Variants in CHM observed in about 807,000 individuals in gnomAD.
CHM encodes rab proteins geranylgeranyltransferase component A 1.
CHM carries 10 observed loss-of-function variants against 49.0 expected under a neutral mutation model. The observed-to-expected ratio is 0.20, with a 90% CI of 0.13 to 0.35. The LOEUF is 0.35. Ranked by LOEUF, CHM falls within the 10% of genes least tolerant of loss-of-function variation. The probability of loss-of-function intolerance (pLI) is 1.00; values close to 1 mark genes in which losing one functional copy is unlikely to be tolerated. For missense variants in CHM, 455 were observed against 478.4 expected, an observed-to-expected ratio of 0.95 and a Z score of 0.46; for synonymous variants, 184 against 167.5, an observed-to-expected ratio of 1.10 and a Z score of -0.76.
rs1244003380 is a variant in CHM at position 85,894,251 on chromosome X, CT to C, written c.1446del (p.Gly483GlufsTer15). 8.3e-7 allele frequency: 1 copy of C among 1,208,356 alleles called. No individual in the cohort carries two copies. The highest frequency in any genetic ancestry group is 1.1e-6 in the Non-Finnish European group (1 of 894,152). On this transcript the variant is annotated frameshift_variant, in exon 12 of 15. Transcript: ENST00000357749. LOFTEE classifies it high-confidence loss of function. Reference protein sequence around the residue: ...ISILTVPAEEPGTFAVRVIEL... With the variant: ...ISILTVPAEEXGTFAVRVIEL... ...TCAATGACCCGAACAGCAAAAGTTC[CT>C]GGTTCCTCTGCTGGCACTGTCAAAA... is the stretch of plus-strand genomic sequence containing the variant.
At chrX:86,018,672 T>C (rs746852782) in intron 2 of CHM, among the ~76,000 whole-genome samples, 34 of 112,249 alleles carry the variant, frequency 3.0e-4, no homozygotes, top group East Asian at 1.9e-3. Context: ...ATACAAACTG[T>C]GATACATACA....
At chrX:86,041,726 G>GTATATATATA (rs3078104) in intron 1 of CHM, among the ~76,000 whole-genome samples, 4 of 83,735 alleles carry the variant, frequency 4.8e-5, no homozygotes, top group Admixed American at 1.4e-4. Flanking sequence ...TGGTGTGTGT[G>GTATATATATA]TATATATATA....
chrX:86,004,978 T>C (rs1194233312), intron 2 of CHM, among the ~76,000 whole-genome samples: 1 of 111,927 alleles, frequency 8.9e-6, no homozygotes, highest in African/African-American at 3.3e-5. Context: ...CAGCATCACA[T>C]CGCACTTATT....
At chrX:86,037,324 T>C (rs749626208) in intron 1 of CHM, among the ~76,000 whole-genome samples, 33 of 109,911 alleles carry the variant, frequency 3.0e-4, no homozygotes, top group Non-Finnish European at 4.9e-4. Context: ...ACTGTGTTGG[T>C]TGGGCTGGTC....
intron 12 of CHM, among the ~76,000 whole-genome samples, chrX:85,887,558 C>T (rs1352221806): frequency 9.0e-6 from 1 of 111,516 alleles, no homozygotes; most frequent in Non-Finnish European, 1.9e-5. Flanking sequence ...TACCTGAAAA[C>T]GTGGAAGCGA....
intron 8 of CHM, among the ~76,000 whole-genome samples, chrX:85,921,898 A>G (rs1927807404): frequency 8.9e-6 from 1 of 112,354 alleles, no homozygotes; most frequent in Non-Finnish European, 1.9e-5. Flanking sequence ...AGGGAAATCT[A>G]AATGCATGTA....
intron 4 of CHM, among the ~76,000 whole-genome samples, chrX:85,965,986 C>T (rs36075008): frequency 0.038 from 4,210 of 111,210 alleles, 211 homozygotes; most frequent in African/African-American, 0.13. Flanking sequence ...TTTTATGAAA[C>T]TGTTGTGAGA....
chrX:86,005,173 T>G (rs986347070), intron 2 of CHM, among the ~76,000 whole-genome samples: 2 of 111,657 alleles, frequency 1.8e-5, no homozygotes, highest in Non-Finnish European at 3.8e-5. Flanking sequence ...ACTGGGTACA[T>G]AACAAAATGA....
At chrX:85,929,873 A>G (rs1460141916) in intron 8 of CHM, among the ~76,000 whole-genome samples, 1 of 108,775 alleles carries the variant, frequency 9.2e-6, no homozygotes, top group African/African-American at 3.3e-5. Context: ...AGGGCAAGAC[A>G]GACGGATCAC....
At chrX:85,973,127 A>C (rs1931040289) in intron 4 of CHM, among the ~76,000 whole-genome samples, 1 of 107,236 alleles carries the variant, frequency 9.3e-6, no homozygotes, top group Non-Finnish European at 1.9e-5. Flanking sequence ...GGTGAAACCC[A>C]GTCTCTACTA....
chrX:85,919,801 G>T lies in CHM; in HGVS notation c.1167-8463C>A, dbSNP rs1180393140. ...ACATTTTTCATATTGCTTCTCATTTGTTTTTCCCCCATACCAGTCTTTGTT... is the reference window on the plus strand; with the variant it reads ...ACATTTTTCATATTGCTTCTCATTTTTTTTTCCCCCATACCAGTCTTTGTT... On this transcript the variant is annotated intron_variant, in intron 8 of 14. Coordinates refer to ENST00000357749, the MANE Select transcript of CHM (RefSeq NM_000390.4). 3.6e-5 allele frequency among the ~76,000 whole-genome samples: 4 copies of T among 111,029 alleles called. No individual in the cohort carries two copies. The East Asian group carries it at 8.5e-4, about 24-fold the overall frequency.
At chrX:85,924,332 T>C (rs1927963937) in intron 8 of CHM, among the ~76,000 whole-genome samples, 2 of 110,949 alleles carry the variant, frequency 1.8e-5, no homozygotes, top group Admixed American at 1.9e-4. Flanking sequence ...CTGACAAGAA[T>C]TGCTAATAGA....
At chrX:86,002,142 C>G (rs2147748890) in intron 2 of CHM, among the ~76,000 whole-genome samples, 1 of 111,878 alleles carries the variant, frequency 8.9e-6, no homozygotes, top group East Asian at 2.8e-4. Flanking sequence ...ACTCCAGGTC[C>G]AGGACTTAAA....
At chrX:85,938,166 A>G (rs1928897126) in intron 8 of CHM, among the ~76,000 whole-genome samples, 2 of 111,927 alleles carry the variant, frequency 1.8e-5, no homozygotes, top group South Asian at 7.4e-4. Context: ...CAATATATCC[A>G]TCCATCACCA....
intron 2 of CHM, among the ~76,000 whole-genome samples, chrX:86,006,059 T>G (rs1932845595): frequency 9.0e-6 from 1 of 111,558 alleles, no homozygotes; most frequent in African/African-American, 3.3e-5. Flanking sequence ...AAAAAGCTTA[T>G]CCACCACGAT....
At chrX:85,977,927 A>G (rs995378505) in intron 4 of CHM, among the ~76,000 whole-genome samples, 1 of 112,007 alleles carries the variant, frequency 8.9e-6, no homozygotes, top group African/African-American at 3.2e-5. Context: ...TCACAGGCTC[A>G]TGCTTAACAC....
At chrX:85,964,199 G>T (rs1410678659) in intron 4 of CHM, 147 bp from the exon 5 acceptor site, 1 of 529,693 alleles carries the variant, frequency 1.9e-6, no homozygotes, top group Non-Finnish European at 2.9e-6. Context: ...ACAAAATTAA[G>T]ATTTGAAAGA....
chrX:86,046,189 G>A (rs1353176393), intron 1 of CHM, among the ~76,000 whole-genome samples: 1 of 112,184 alleles, frequency 8.9e-6, no homozygotes, highest in Non-Finnish European at 1.9e-5. Flanking sequence ...CACTAAGCAA[G>A]ACCTAAAACC....
intron 1 of CHM, among the ~76,000 whole-genome samples, chrX:86,032,837 T>G (rs982225405): frequency 3.6e-5 from 4 of 111,586 alleles, no homozygotes; most frequent in African/African-American, 1.3e-4. Context: ...TCCTCCATCA[T>G]GACTTTCACA....
Sources: allele counts gnomAD v4.1 joint callset (sites outside exome capture counted in the v4.1 genomes callset), GRCh38; gene constraint gnomAD v4.1.1; transcripts MANE v1.5; gene names NCBI Gene and HGNC (gene_info 2026-07-23, HGNC 2026-07-21).